Variants in GREB1L observed in about 807,000 individuals in gnomAD.
The protein encoded by GREB1L is GREB1 like retinoic acid receptor coactivator.
Under a neutral mutation model 200.8 loss-of-function variants are expected in GREB1L, and 17 were observed. The ratio of observed to expected loss-of-function variants is 0.08; its 90% confidence interval spans 0.06 to 0.13. The LOEUF is 0.13. Among genes scored for constraint, GREB1L ranks in the 10% least tolerant of loss-of-function variants. The probability of loss-of-function intolerance (pLI) is 1.00; values close to 1 mark genes in which losing one functional copy is unlikely to be tolerated. For missense variants in GREB1L, 1,657 were observed against 2,367.7 expected, an observed-to-expected ratio of 0.70 and a Z score of 6.23; for synonymous variants, 789 against 893.0, an observed-to-expected ratio of 0.88 and a Z score of 2.08.
chr18:21,427,956 G>C (rs56193648), intron 7 of GREB1L, among the ~76,000 whole-genome samples: 49,291 of 150,918 alleles, frequency 0.33, 11,106 homozygotes, highest in African/African-American at 0.61. Context: ...TTTGGGAGGC[G>C]GAGGCGGGTG....
At position 21,269,855 on chromosome 18, in the gene GREB1L, C is replaced by A. The variant is rs1397863611; in HGVS notation, c.-120+27462C>A. ...CATACTTGATTTATACCGGGCATCT[C>A]TAGAGATCAGAAATAGGTAGGATTA... On this transcript the variant is annotated intron_variant, in intron 1 of 32. Coordinates refer to ENST00000424526, the MANE Select transcript of GREB1L (RefSeq NM_001142966.3). Among the ~76,000 whole-genome samples, 5 of 152,060 alleles carry A rather than the reference C, an allele frequency of 3.3e-5. No individual in the cohort carries two copies. In the South Asian group the frequency reaches 1.0e-3, roughly 32 times the overall value.
At chr18:21,277,150 A>C (rs2038182037) in intron 1 of GREB1L, among the ~76,000 whole-genome samples, 1 of 151,912 alleles carries the variant, frequency 6.6e-6, no homozygotes, top group African/African-American at 2.4e-5. Flanking sequence ...GGATGGTCTC[A>C]ATCTCCTGAC....
chr18:21,302,078 T>C (rs1170997883), intron 1 of GREB1L, among the ~76,000 whole-genome samples: 1 of 152,236 alleles, frequency 6.6e-6, no homozygotes, highest in East Asian at 1.9e-4. Flanking sequence ...TGATAGCCTT[T>C]TACTTTCTTC....
At chr18:21,389,357 A>C in intron 4 of GREB1L, among the ~76,000 whole-genome samples, 1 of 111,954 alleles carries the variant, frequency 8.9e-6, no homozygotes. Flanking sequence ...TTTTTCATCA[A>C]ATAGGAATTT....
At chr18:21,487,695 CTCTT>C in intron 18 of GREB1L, among the ~76,000 whole-genome samples, 1 of 152,200 alleles carries the variant, frequency 6.6e-6, no homozygotes, top group Non-Finnish European at 1.5e-5. Context: ...TGAACTCATT[CTCTT>C]TCTATGAAAA....
intron 15 of GREB1L, chr18:21,454,868 A>T (rs1373714189): frequency 2.6e-6 from 1 of 383,670 alleles, no homozygotes; most frequent in Admixed American, 3.8e-5. Flanking sequence ...CAAGGCGAGG[A>T]TGGCCCTGCA....
At chr18:21,328,729 C>G (rs1219150318) in intron 1 of GREB1L, among the ~76,000 whole-genome samples, 1 of 151,948 alleles carries the variant, frequency 6.6e-6, no homozygotes, top group Non-Finnish European at 1.5e-5. Flanking sequence ...GATGAACTCC[C>G]AGACATAGAA....
intron 7 of GREB1L, among the ~76,000 whole-genome samples, chr18:21,405,604 C>T (rs1450477744): frequency 6.6e-6 from 1 of 151,930 alleles, no homozygotes; most frequent in Non-Finnish European, 1.5e-5. Context: ...AGTTCGAGAC[C>T]GGCCTGGCCA....
chr18:21,448,173 AGCAGC>A (rs1198623498), intron 11 of GREB1L, among the ~76,000 whole-genome samples: 86 of 113,690 alleles, frequency 7.6e-4, no homozygotes, highest in African/African-American at 2.3e-3. Flanking sequence ...AAAAAAAAAA[AGCAGC>A]AGCAGCAGCA....
intron 1 of GREB1L, among the ~76,000 whole-genome samples, chr18:21,339,825 C>T (rs938252526): frequency 6.6e-6 from 1 of 152,060 alleles, no homozygotes; most frequent in Non-Finnish European, 1.5e-5. Context: ...TTTTTTTGAG[C>T]AACCTAAAAT....
chr18:21,335,077 T>C (rs139576324), intron 1 of GREB1L, among the ~76,000 whole-genome samples: 94 of 152,310 alleles, frequency 6.2e-4, no homozygotes, highest in African/African-American at 2.2e-3. Flanking sequence ...GTTCTGGCAG[T>C]ACATAAAAGT....
rs1358298627 is a variant in GREB1L, at chr18:21,523,212, T to C, written c.*391T>C. ...AATGTGTTACATGAGACTCATGCCA[T>C]TGGTGTGGAATCAATTGAAGATTAA... On this transcript the variant is annotated 3_prime_UTR_variant, in exon 33 of 33. Coordinates refer to ENST00000424526, the MANE Select transcript of GREB1L (RefSeq NM_001142966.3). The C allele has an allele frequency of 6.4e-6, 1 of 157,368 alleles. No individual in the cohort carries two copies. Among genetic ancestry groups the C allele is most frequent in the East Asian group, 1.9e-4 (1 of 5,370 alleles). 9.7% of individuals were successfully genotyped at this position (157,368 alleles called of 1,614,324 possible).
Position 21,493,865 on chromosome 18 carries a change from CAAAAAAAAAAAA to C in GREB1L, c.3031-1788_3031-1777del, listed in dbSNP as rs35758360. Reference sequence around the variant, plus strand: ...TGGGTGACAGAGTGAGACCCTGTCTCAAAAAAAAAAAAAAAAAAAAAAAAAAAAGTCCTCATA... The same window carrying C: ...TGGGTGACAGAGTGAGACCCTGTCTCAAAAAAAAAAAAAAAAGTCCTCATA... On this transcript the variant is annotated intron_variant, in intron 19 of 32. Coordinates refer to ENST00000424526, the MANE Select transcript of GREB1L (RefSeq NM_001142966.3). Among the ~76,000 whole-genome samples the C allele has an allele frequency of 3.0e-3, 115 of 38,512 alleles. 2 individuals are homozygous for C. The highest frequency in any genetic ancestry group is 0.038 in the Middle Eastern group (1 of 26). The allele number at this position is 38,512 out of a possible 152,430, so 25.3% of individuals were successfully genotyped here.
At chr18:21,312,046 C>G (rs2038800504) in intron 1 of GREB1L, among the ~76,000 whole-genome samples, 1 of 152,052 alleles carries the variant, frequency 6.6e-6, no homozygotes, top group Non-Finnish European at 1.5e-5. Context: ...GAGTTCTCAT[C>G]ATTTAGCTCC....
intron 1 of GREB1L, among the ~76,000 whole-genome samples, chr18:21,350,509 G>C (rs2039417686): frequency 6.6e-6 from 1 of 152,128 alleles, no homozygotes; most frequent in Non-Finnish European, 1.5e-5. Flanking sequence ...AAAGTGCTGA[G>C]ATTACAGATG....
chr18:21,447,312 T>G (rs1281392528), intron 11 of GREB1L, among the ~76,000 whole-genome samples: 3 of 152,044 alleles, frequency 2.0e-5, no homozygotes, highest in African/African-American at 7.3e-5. Flanking sequence ...AAAAAAAATT[T>G]TTTTAAAAGG....
At chr18:21,443,182 C>T (rs1316934258) in intron 10 of GREB1L, among the ~76,000 whole-genome samples, 1 of 151,716 alleles carries the variant, frequency 6.6e-6, no homozygotes, top group Non-Finnish European at 1.5e-5. Flanking sequence ...GGATTATAGG[C>T]GTGAGCTGCA....
At chr18:21,332,465 T>TA (rs546188618) in intron 1 of GREB1L, among the ~76,000 whole-genome samples, 44 of 146,442 alleles carry the variant, frequency 3.0e-4, no homozygotes, top group South Asian at 6.5e-4. Flanking sequence ...TATTCCACTC[T>TA]AAAAAAAAAA....
chr18:21,409,989 T>G (rs1263658834), intron 7 of GREB1L, among the ~76,000 whole-genome samples: 1 of 152,184 alleles, frequency 6.6e-6, no homozygotes, highest in African/African-American at 2.4e-5. Flanking sequence ...GACAAATGCC[T>G]GGAAATAAAT....
Sources: gnomAD v4.1 joint callset for allele counts (sites outside exome capture counted in the v4.1 genomes callset) on GRCh38, gnomAD v4.1.1 for gene constraint, MANE v1.5 for transcripts, NCBI Gene and HGNC (gene_info 2026-07-23, HGNC 2026-07-21) for gene names.